GAN: variants seen among roughly 807,000 people sequenced by gnomAD.
GAN encodes epididymis secretory sperm binding protein.
In GAN, 48 loss-of-function variants were observed where a neutral mutation model predicts 71.3. The ratio of observed to expected loss-of-function variants is 0.67; its 90% CI spans 0.53 to 0.86. The LOEUF is 0.86. GAN is among the 40% of genes least tolerant of loss of function. The probability of loss-of-function intolerance (pLI) is 0.00; values close to 1 mark genes in which losing one functional copy is unlikely to be tolerated. For missense variants in GAN, 928 were observed against 770.1 expected (o/e 1.21, Z -2.43); for synonymous variants, 386 against 276.8 (o/e 1.39, Z -3.92).
chr16:81,348,878 C>T (rs1266915997), intron 1 of GAN, among the ~76,000 whole-genome samples: 1 of 152,130 alleles, frequency 6.6e-6, no homozygotes, highest in Non-Finnish European at 1.5e-5. Context: ...AAGATATGTT[C>T]TGGCTTTCAG....
Position 81,377,313 on chromosome 16 carries a change from G to A in GAN, c.1597G>A (p.Gly533Arg). 1 of 1,597,802 alleles carries A rather than the reference G, an allele frequency of 6.3e-7. No individual in the cohort carries two copies. Among genetic ancestry groups the A allele is most frequent in the Middle Eastern group, 1.7e-4 (1 of 6,026 alleles). The change falls in exon 10 of 11, where the codon GGA (glycine) becomes AGA (arginine). Residue 533 changes from glycine to arginine, a missense_variant. By Grantham distance (125) the Gly-to-Arg change is moderately radical. Transcript: ENST00000648994. ...VPIGASIYVI[G>R]DLDTGTNYDY... The stretch of plus-strand genomic sequence containing the variant: ...TATAGGAGCCAGTATTTATGTTATT[G>A]GAGATCTTGATACAGGTAAGAGTGT...
intron 1 of GAN, among the ~76,000 whole-genome samples, chr16:81,341,099 G>A (rs182963189): frequency 0.021 from 3,212 of 150,374 alleles, 58 homozygotes; most frequent in East Asian, 0.082. Flanking sequence ...GAGAAAAAAG[G>A]AGTGAAAAGA....
chr16:81,326,965 T>C (rs1597389908), intron 1 of GAN, among the ~76,000 whole-genome samples: 2 of 152,322 alleles, frequency 1.3e-5, no homozygotes, highest in Middle Eastern at 3.4e-3. Context: ...CCAAGTAAGG[T>C]TGAACTTTCT....
At position 81,354,655 on chromosome 16, in the gene GAN, T is replaced by C; in HGVS notation, c.533T>C (p.Leu178Pro). 1 of 1,613,762 alleles carries C rather than the reference T, an allele frequency of 6.2e-7. No individual in the cohort carries two copies. Among genetic ancestry groups the C allele is most frequent in the Non-Finnish European group, 8.5e-7 (1 of 1,179,628 alleles). The change falls in exon 3 of 11, where the codon CTT becomes CCT. Residue 178 changes from leucine (L) to proline (P), a missense_variant. Physicochemically the swap from Leu to Pro is moderately conservative, Grantham distance 98 (BLOSUM62 -3). Transcript: ENST00000648994. ...TTCTTAGAGCTGAGTCCTCAAAAGCTTAAAGAAGTGATTTCTCTTGAGAAG... is the reference window on the plus strand; with the variant it reads ...TTCTTAGAGCTGAGTCCTCAAAAGCCTAAAGAAGTGATTTCTCTTGAGAAG... ...EEFLELSPQK[L>P]KEVISLEKLN...
In GAN at chr16:81,315,066, C is replaced by T. The variant is rs1041340541; in HGVS notation, c.-48C>T. On this transcript the variant is annotated 5_prime_UTR_variant, in exon 1 of 11. Transcript: ENST00000648994. ...ACTCGGGCCGCTCGAGGGGTCCGGCCGGACGGTGTCGGGAGCCGGACCCGT... is the reference window on the plus strand; with the variant it reads ...ACTCGGGCCGCTCGAGGGGTCCGGCTGGACGGTGTCGGGAGCCGGACCCGT... 19 of 1,411,436 alleles carry T rather than the reference C, an allele frequency of 1.3e-5. No individual in the cohort carries two copies. Among genetic ancestry groups the T allele is most frequent in the Middle Eastern group, 2.5e-4 (1 of 3,950 alleles). The allele number at this position is 1,411,436 out of a possible 1,614,324, so 87.4% of individuals were successfully genotyped here.
chr16:81,354,453 C>A lies in GAN; in HGVS notation c.331C>A (p.Leu111Met), dbSNP rs765503261. The A allele has an allele frequency of 6.2e-7, 1 of 1,613,788 alleles. No homozygotes were observed. The highest frequency in any genetic ancestry group is 8.5e-7 in the Non-Finnish European group (1 of 1,179,806). ...CCAAGATGTTGTTCAGGCAGCTGAC[C>A]TGCTGCTACTGACGGACCTTAAAAC... ...TIQDVVQAAD[L>M]LLLTDLKTLC... The change falls in exon 3 of 11, where the codon CTG becomes ATG. Residue 111 changes from leucine to methionine, a missense_variant. Physicochemically the swap from Leu to Met is conservative, Grantham distance 15 (BLOSUM62 2). Coordinates refer to ENST00000648994, the MANE Select transcript of GAN (RefSeq NM_022041.4).
chr16:81,368,296 A>G (rs1216180598), intron 9 of GAN, among the ~76,000 whole-genome samples: 3 of 152,184 alleles, frequency 2.0e-5, no homozygotes, highest in South Asian at 2.1e-4. Flanking sequence ...CCAGTCATCC[A>G]TGTTCAAAAA....
chr16:81,364,002 T>A, intron 7 of GAN, 59 bp downstream of exon 7: 1 of 1,221,744 alleles, frequency 8.2e-7, no homozygotes, highest in East Asian at 2.3e-5. Context: ...AAACTTAATG[T>A]GTCTTCATAT....
At chr16:81,335,746 C>CAA (rs55948723) in intron 1 of GAN, among the ~76,000 whole-genome samples, 30,326 of 102,918 alleles carry the variant, frequency 0.29, 5,601 homozygotes, top group East Asian at 0.69. Flanking sequence ...GACTCAGTCT[C>CAA]AAAAAAAAAA....
At chr16:81,337,653 C>T (rs1468494099) in intron 1 of GAN, among the ~76,000 whole-genome samples, 3 of 152,284 alleles carry the variant, frequency 2.0e-5, no homozygotes, top group Middle Eastern at 3.4e-3. Context: ...GTTGTAGACC[C>T]CTTTCATGGA....
rs959703194 is a variant in GAN, at chr16:81,377,137, C to T, written c.1503-82C>T. ...AGTGCCTGATACTGCTGATGACTCA[C>T]CAAGCTTGCTGTGTCAGTCTTCCTA... On this transcript the variant is annotated intron_variant, in intron 9 of 10. Coordinates refer to ENST00000648994, the MANE Select transcript of GAN (RefSeq NM_022041.4). 38 of 879,984 alleles carry T rather than the reference C, an allele frequency of 4.3e-5. No individual in the cohort carries two copies. In the East Asian group the frequency reaches 8.4e-4, roughly 19 times the overall value. 54.5% of individuals were successfully genotyped at this position (879,984 alleles called of 1,614,324 possible). A position where few individuals can be genotyped will look rare whatever the true frequency, so the allele number is the denominator to read the frequency against.
chr16:81,364,476 C>G (rs576590819), intron 7 of GAN, among the ~76,000 whole-genome samples: 1 of 152,060 alleles, frequency 6.6e-6, no homozygotes, highest in Admixed American at 6.5e-5. Context: ...TATGTTGCCC[C>G]GGCTGGTCTT....
chr16:81,339,872 T>A (rs954886483), intron 1 of GAN, among the ~76,000 whole-genome samples: 1 of 152,122 alleles, frequency 6.6e-6, no homozygotes, highest in African/African-American at 2.4e-5. Context: ...CAGGGGCAGA[T>A]GTAAGGATGT....
chr16:81,364,840 G>T (rs930185165), intron 7 of GAN, 134 bp from the exon 8 acceptor site: 3 of 858,644 alleles, frequency 3.5e-6, no homozygotes, highest in Admixed American at 3.5e-5. Flanking sequence ...ATACTGAAAA[G>T]CACCATCGTT....
intron 9 of GAN, among the ~76,000 whole-genome samples, 160 bp downstream of exon 9, chr16:81,365,638 T>C (rs968154302): frequency 1.3e-5 from 2 of 150,596 alleles, no homozygotes; most frequent in African/African-American, 2.5e-5. Flanking sequence ...ACTTCACAAG[T>C]GCTAGTAACT....
At chr16:81,339,873 G>T (rs1293621563) in intron 1 of GAN, among the ~76,000 whole-genome samples, 1 of 152,184 alleles carries the variant, frequency 6.6e-6, no homozygotes, top group Non-Finnish European at 1.5e-5. Flanking sequence ...AGGGGCAGAT[G>T]TAAGGATGTG....
In GAN at chr16:81,364,508, C is replaced by A. The variant is rs572545035; in HGVS notation, c.1237-466C>A. 1.4e-4 allele frequency among the ~76,000 whole-genome samples: 22 copies of A among 152,194 alleles called. No individual in the cohort carries two copies. In the East Asian group the frequency reaches 3.9e-3, roughly 27 times the overall value. On this transcript the variant is annotated intron_variant, in intron 7 of 10. Transcript: ENST00000648994. ...TCTTGAACTCTTAGGCTGAAGCGAT[C>A]CCCCATCTCTACAAAAAAGTTTTAA... is the stretch of plus-strand genomic sequence containing the variant.
intron 9 of GAN, among the ~76,000 whole-genome samples, chr16:81,369,601 C>CT (rs967940247): frequency 6.1e-4 from 93 of 152,054 alleles, no homozygotes; most frequent in African/African-American, 2.1e-3. Context: ...AGATCTTTTG[C>CT]TTTTTTTTGA....
intron 5 of GAN, among the ~76,000 whole-genome samples, chr16:81,361,897 G>A (rs2150689855): frequency 6.6e-6 from 1 of 152,198 alleles, no homozygotes; most frequent in South Asian, 2.1e-4. Context: ...GTCTTGCTGT[G>A]TTGCCTCCTA....
Sources: gnomAD v4.1 joint callset for allele counts (sites outside exome capture counted in the v4.1 genomes callset) on GRCh38, gnomAD v4.1.1 for gene constraint, MANE v1.5 for transcripts, NCBI Gene and HGNC (gene_info 2026-07-23, HGNC 2026-07-21) for gene names.